The following RNF213 variants were observed in gnomAD, a reference collection of about 807,000 sequenced individuals.
RNF213 encodes ring finger protein 213.
RNF213 carries 341 observed loss-of-function variants against 514.4 expected under a neutral mutation model. The observed-to-expected ratio is 0.66, with a 90% confidence interval of 0.61 to 0.73. RNF213 has a LOEUF of 0.73. RNF213 is among the 30% of genes least tolerant of loss of function. The probability of loss-of-function intolerance (pLI) is 0.00; values close to 1 mark genes in which losing one functional copy is unlikely to be tolerated. For missense variants in RNF213, 5,767 were observed against 6,615.6 expected (o/e 0.87, Z 4.45); for synonymous variants, 2,655 against 2,658.2 (o/e 1.00, Z 0.04).
intron 56 of RNF213, 182 bp from the exon 57 acceptor site, chr17:80,381,365 G>C (rs1277106829): frequency 1.9e-5 from 13 of 697,144 alleles, no homozygotes; most frequent in Non-Finnish European, 2.8e-5. Context: ...TGTAACAACA[G>C]AAAAGCCAGC....
chr17:80,281,891 C>T (rs1006037587), intron 3 of RNF213, among the ~76,000 whole-genome samples: 27 of 152,230 alleles, frequency 1.8e-4, no homozygotes, highest in South Asian at 4.1e-4. Context: ...GATTCTCTCT[C>T]TTTTGCCCAG....
chr17:80,303,250 A>G (rs901359615), intron 11 of RNF213, among the ~76,000 whole-genome samples: 5 of 152,210 alleles, frequency 3.3e-5, no homozygotes, highest in Non-Finnish European at 5.9e-5. Flanking sequence ...GGCTCAGGCC[A>G]CAGAATCTGC....
At chr17:80,306,650 G>A (rs2045368978) in intron 12 of RNF213, among the ~76,000 whole-genome samples, 182 bp downstream of exon 12, 1 of 152,128 alleles carries the variant, frequency 6.6e-6, no homozygotes, top group South Asian at 2.1e-4. Flanking sequence ...AGGAGATCGA[G>A]ACCATCCTGG....
chr17:80,272,515 G>C (rs189813550), intron 2 of RNF213, among the ~76,000 whole-genome samples: 2 of 152,238 alleles, frequency 1.3e-5, no homozygotes, highest in East Asian at 3.9e-4. Context: ...TTCCCGAGGG[G>C]AGTAAACAAG....
chr17:80,281,639 ACTCCC>A (rs2044304174), intron 3 of RNF213, among the ~76,000 whole-genome samples: 1 of 110,448 alleles, frequency 9.1e-6, no homozygotes, highest in African/African-American at 3.3e-5. Context: ...CCCAACACAC[ACTCCC>A]CACTCACCCC....
chr17:80,289,533 T>G, intron 5 of RNF213, 126 bp from the exon 6 acceptor site: 1 of 1,001,728 alleles, frequency 1.0e-6, no homozygotes. Flanking sequence ...GAGGTTGCAG[T>G]GAGCTGAGAT....
intron 17 of RNF213, among the ~76,000 whole-genome samples, chr17:80,322,826 A>G (rs1439327512): frequency 6.6e-6 from 1 of 152,218 alleles, no homozygotes; most frequent in Middle Eastern, 3.4e-3. Context: ...CTCCCATTCT[A>G]TGTGTTGTTT....
In RNF213 at chr17:80,383,860, C is replaced by T. The variant is rs1309274591; in HGVS notation, c.14254C>T (p.Leu4752Phe). 1.2e-6 allele frequency: 2 copies of T among 1,614,060 alleles called. No individual in the cohort carries two copies. The highest frequency in any genetic ancestry group is 3.3e-5 in the Admixed American group (2 of 59,994). ...SCRKRITVEY[L>F]QHIVEQKNGK... ...CAGGAAAAGAATTACAGTTGAGTAC[C>T]TCCAGCACATTGTGGAACAGAAAAA... Residue 4752 changes from leucine (L) to phenylalanine (F), a missense_variant, in exon 59 of 68, where the codon CTC (leucine) becomes TTC (phenylalanine). Physicochemically the swap from Leu to Phe is conservative, Grantham distance 22. Coordinates refer to ENST00000582970, the MANE Select transcript of RNF213 (RefSeq NM_001256071.3).
chr17:80,286,846 C>G (rs1008133482), intron 3 of RNF213, among the ~76,000 whole-genome samples: 2 of 151,966 alleles, frequency 1.3e-5, no homozygotes, highest in Non-Finnish European at 2.9e-5. Context: ...CTGTGGGGTC[C>G]CAGGGTCCTG....
Position 80,349,785 on chromosome 17 carries a change from A to G in RNF213, c.9967A>G (p.Arg3323Gly). 6.2e-7 allele frequency: 1 copy of G among 1,614,094 alleles called. No homozygotes were observed. The highest frequency in any genetic ancestry group is 2.2e-5 in the East Asian group (1 of 44,870). The stretch of plus-strand genomic sequence containing the variant: ...AACTCTGTAGATCACCACTTTCTCC[A>G]GGCTGCTAACAAGTCACGACTGTGA... ...AIFTEITTFS[R>G]LLTSHDCEIL... The change falls in exon 30 of 68, where the codon AGG (arginine) becomes GGG (glycine). Residue 3323 changes from arginine (R) to glycine (G), a missense_variant. Physicochemically the swap from Arg to Gly is moderately radical, Grantham distance 125. Around this residue, in one of 13 missense-constraint regions of RNF213, gnomAD observed 919 missense variants for 1,121.0 expected, o/e 0.82. Coordinates refer to ENST00000582970, the MANE Select transcript of RNF213 (RefSeq NM_001256071.3).
At chr17:80,307,241 G>GC (rs2045394939) in intron 13 of RNF213, 40 bp downstream of exon 13, 4 of 1,589,110 alleles carry the variant, frequency 2.5e-6, no homozygotes, top group East Asian at 4.5e-5. Flanking sequence ...CTCACATGCG[G>GC]CCCCCGGGGG....
chr17:80,358,620 AG>A, intron 37 of RNF213, 141 bp downstream of exon 37: 1 of 771,114 alleles, frequency 1.3e-6, no homozygotes, highest in Non-Finnish European at 2.2e-6. Context: ...CAGTAACAAT[AG>A]GAAGTTTGGC....
chr17:80,346,414 C>T lies in RNF213; in HGVS notation c.8079C>T (p.Tyr2693=), dbSNP rs146204002. 1.1e-4 allele frequency: 178 copies of T among 1,613,354 alleles called. No homozygotes were observed. The highest frequency in any genetic ancestry group is 1.4e-4 in the Non-Finnish European group (163 of 1,180,012). The change falls in exon 29 of 68, where the codon TAC becomes TAT. Residue 2693 remains tyrosine (Y), a synonymous_variant. Coordinates refer to ENST00000582970, the MANE Select transcript of RNF213 (RefSeq NM_001256071.3). This position sits in a 1 kb window ranked among gnomAD's most constrained non-coding sequence, Gnocchi z 8.1. The stretch of plus-strand genomic sequence containing the variant: ...TGATGCTGGCCATCGGGGTGTGTTA[C>T]CATGCCTCTTTAGAAAAGAAAGACT... ...WSLMLAIGVC[Y]HASLEKKDSY... is the part of the protein sequence containing the mutation.
At chr17:80,340,418 C>T (rs562696971) in intron 26 of RNF213, 62 bp downstream of exon 26, 2 of 1,482,120 alleles carry the variant, frequency 1.3e-6, no homozygotes, top group Admixed American at 1.9e-5. Context: ...GCCCTTCCCC[C>T]CTCCAGCAGA....
chr17:80,369,227 C>T (rs1047281831), intron 44 of RNF213, among the ~76,000 whole-genome samples: 7 of 152,024 alleles, frequency 4.6e-5, no homozygotes, highest in Admixed American at 1.3e-4. Flanking sequence ...GGTGAAACCC[C>T]ATCTCTACTA....
At chr17:80,325,891 C>T (rs780276531) in intron 18 of RNF213, among the ~76,000 whole-genome samples, 2 of 152,016 alleles carry the variant, frequency 1.3e-5, no homozygotes, top group Admixed American at 6.6e-5. Context: ...TATGGGAGTG[C>T]ACAAGTAAAA....
At chr17:80,269,635 C>G (rs1478126027) in intron 2 of RNF213, among the ~76,000 whole-genome samples, 1 of 152,078 alleles carries the variant, frequency 6.6e-6, no homozygotes, top group East Asian at 1.9e-4. Flanking sequence ...ATTCATCTAG[C>G]TTATCTATCT....
chr17:80,334,932 T>A (rs527696692), intron 22 of RNF213, among the ~76,000 whole-genome samples: 5 of 147,028 alleles, frequency 3.4e-5, no homozygotes, highest in African/African-American at 1.3e-4. Flanking sequence ...GGCCTTTTTT[T>A]TTTTTTGAGA....
At chr17:80,269,581 A>G (rs934828887) in intron 2 of RNF213, among the ~76,000 whole-genome samples, 7 of 151,250 alleles carry the variant, frequency 4.6e-5, no homozygotes, top group African/African-American at 7.3e-5. Context: ...CATCTATACT[A>G]TCTATCCGTC....
Sources: gnomAD v4.1 joint callset for allele counts (sites outside exome capture counted in the v4.1 genomes callset) on GRCh38, gnomAD v4.1.1 for gene constraint, gnomAD v4.1.1 regional missense constraint, Gnocchi (gnomAD v3.1) non-coding constraint, MANE v1.5 for transcripts, NCBI Gene and HGNC (gene_info 2026-07-23, HGNC 2026-07-21) for gene names.